The following BCAS3 variants were observed in gnomAD, a reference collection of about 807,000 sequenced individuals.
The protein encoded by BCAS3 is BCAS4/BCAS3 fusion.
A neutral mutation model predicts 116.1 loss-of-function variants in BCAS3; 53 were observed. The ratio of observed to expected loss-of-function variants is 0.46; its 90% CI spans 0.37 to 0.57. The LOEUF is 0.57. Ranked by LOEUF, BCAS3 falls within the 20% of genes least tolerant of loss-of-function variation. The probability of loss-of-function intolerance (pLI) is 0.00; values close to 1 mark genes in which losing one functional copy is unlikely to be tolerated. For missense variants in BCAS3, 917 were observed against 1,165.4 expected (o/e 0.79, Z 3.10); for synonymous variants, 391 against 408.2 (o/e 0.96, Z 0.51).
intron 22 of BCAS3, among the ~76,000 whole-genome samples, chr17:61,335,814 G>A (rs1450832867): frequency 1.3e-5 from 2 of 152,370 alleles, no homozygotes; most frequent in East Asian, 3.9e-4. Context: ...GCTTCTGGTT[G>A]TATTTTCTTC....
rs547596108 is a variant in BCAS3, at chr17:61,368,891, C to T, written c.2593+397C>T. 1.3e-5 allele frequency among the ~76,000 whole-genome samples: 2 copies of T among 152,188 alleles called. No homozygotes were observed. The highest frequency in any genetic ancestry group is 2.1e-4 in the South Asian group (1 of 4,830). On this transcript the variant is annotated intron_variant, in intron 23 of 23. Transcript: ENST00000407086. This position sits in a 1 kb window ranked among gnomAD's most constrained non-coding sequence, Gnocchi z 6.0. ...TCTCAGTAGGGCCTGCCAACCTGAG[C>T]GGAGTAAGCATGAAGCAGGCTGGGC...
At chr17:60,861,049 G>A (rs189388919) in intron 7 of BCAS3, among the ~76,000 whole-genome samples, 14 of 152,198 alleles carry the variant, frequency 9.2e-5, no homozygotes, top group Admixed American at 7.2e-4. Flanking sequence ...TAGTTTGATA[G>A]GAAGAGCATT....
chr17:61,238,565 C>G (rs887952529), intron 22 of BCAS3, among the ~76,000 whole-genome samples: 1 of 152,018 alleles, frequency 6.6e-6, no homozygotes, highest in African/African-American at 2.4e-5. Flanking sequence ...ATGAGATAAT[C>G]TGCCCTCATA....
At position 61,019,301 on chromosome 17, in the gene BCAS3, C is replaced by G. The variant is rs1283357907; in HGVS notation, c.1637+3400C>G. ...CACTCCTTATGAGAATCTAATGCCT[C>G]ATGATCTGAAGTGAAACTTCCATGA... On this transcript the variant is annotated intron_variant, in intron 16 of 23. Transcript: ENST00000407086. The surrounding 1 kb of genome is among the most constrained non-coding windows in gnomAD (Gnocchi z 5.6). 2.0e-5 allele frequency among the ~76,000 whole-genome samples: 3 copies of G among 152,192 alleles called. No homozygotes were observed. Among genetic ancestry groups the G allele is most frequent in the Non-Finnish European group, 4.4e-5 (3 of 68,028 alleles).
intron 5 of BCAS3, among the ~76,000 whole-genome samples, chr17:60,710,391 T>C (rs1469118411): frequency 1.3e-5 from 2 of 152,106 alleles, no homozygotes; most frequent in Non-Finnish European, 2.9e-5. Flanking sequence ...AGTCTAAGAA[T>C]TACTAAGGAA....
At chr17:60,973,605 A>ATATATATATATATATATATG (rs1568003311) in intron 14 of BCAS3, among the ~76,000 whole-genome samples, 1 of 148,928 alleles carries the variant, frequency 6.7e-6, no homozygotes, top group East Asian at 2.0e-4. Flanking sequence ...ATATATATAT[A>ATATATATATATATATATATG]TATGTATGAA....
At chr17:61,046,113 AG>A (rs2068321766) in intron 19 of BCAS3, among the ~76,000 whole-genome samples, 1 of 68,438 alleles carries the variant, frequency 1.5e-5, no homozygotes, top group African/African-American at 5.5e-5. Flanking sequence ...ATATATATAA[AG>A]TAAAATAAAA....
intron 22 of BCAS3, among the ~76,000 whole-genome samples, chr17:61,338,337 G>A (rs2056880098): frequency 6.6e-6 from 1 of 152,056 alleles, no homozygotes; most frequent in African/African-American, 2.4e-5. Flanking sequence ...AGCAAATTCA[G>A]CAGATTAAGG....
intron 16 of BCAS3, among the ~76,000 whole-genome samples, 184 bp downstream of exon 16, chr17:61,016,085 T>C (rs1358036393): frequency 1.3e-5 from 2 of 152,210 alleles, no homozygotes; most frequent in Non-Finnish European, 2.9e-5. Context: ...CACACAACCA[T>C]GTATACACAC....
chr17:61,038,668 GTTTTTTT>G (rs1244364326), intron 18 of BCAS3, among the ~76,000 whole-genome samples: 7 of 113,932 alleles, frequency 6.1e-5, no homozygotes, highest in Non-Finnish European at 1.1e-4. Context: ...TTTTGTTTTT[GTTTTTTT>G]TTTTTTTTTT....
At chr17:61,116,394 G>A (rs976784194) in intron 22 of BCAS3, among the ~76,000 whole-genome samples, 11 of 152,038 alleles carry the variant, frequency 7.2e-5, no homozygotes, top group Non-Finnish European at 1.0e-4. Context: ...CAATTTGAGT[G>A]TAGCCCTTCT....
intron 7 of BCAS3, among the ~76,000 whole-genome samples, chr17:60,821,232 C>T (rs2049938173): frequency 6.6e-6 from 1 of 152,188 alleles, no homozygotes; most frequent in Admixed American, 6.5e-5. Flanking sequence ...CAGGCATGCG[C>T]CACCTCACCT....
In BCAS3 at chr17:60,990,128, A is replaced by G. The variant is rs1210311774; in HGVS notation, c.1379A>G (p.Lys460Arg). Residue 460 changes from lysine (K) to arginine (R), a missense_variant, in exon 15 of 24, where the codon AAA becomes AGA. By Grantham distance (26) the Lys-to-Arg change is conservative. Coordinates refer to ENST00000407086, the MANE Select transcript of BCAS3 (RefSeq NM_017679.5). This position sits in a 1 kb window ranked among gnomAD's most constrained non-coding sequence, Gnocchi z 5.1. ...RVVNRMSRFQ[K>R]SAGLEEIEQE... ...GTGAATCGCATGAGCCGTTTCCAGAAAAGTGCTGGACTGGAAGAGATTGAA... is the reference window on the plus strand; with the variant it reads ...GTGAATCGCATGAGCCGTTTCCAGAGAAGTGCTGGACTGGAAGAGATTGAA... 1 of 1,614,082 alleles carries G rather than the reference A, an allele frequency of 6.2e-7. No homozygotes were observed.
At chr17:60,760,744 G>T (rs1372432663) in intron 6 of BCAS3, among the ~76,000 whole-genome samples, 1 of 151,984 alleles carries the variant, frequency 6.6e-6, no homozygotes, top group East Asian at 1.9e-4. Context: ...TGAAAGTCTA[G>T]GTCTTTCTCT....
At position 61,136,916 on chromosome 17, in the gene BCAS3, G is replaced by A. The variant is rs2076671628; in HGVS notation, c.2425+52352G>A. ...AACCAGCAGTAACCAGACCCTGGTGGGTGCTGAGAAAATGTTGAATTATTC... is the reference window on the plus strand; with the variant it reads ...AACCAGCAGTAACCAGACCCTGGTGAGTGCTGAGAAAATGTTGAATTATTC... On this transcript the variant is annotated intron_variant, in intron 22 of 23. Coordinates refer to ENST00000407086, the MANE Select transcript of BCAS3 (RefSeq NM_017679.5). The surrounding 1 kb of genome is among the most constrained non-coding windows in gnomAD (Gnocchi z 4.4). 6.6e-6 allele frequency among the ~76,000 whole-genome samples: 1 copy of A among 152,094 alleles called. No homozygotes were observed. Among genetic ancestry groups the A allele is most frequent in the South Asian group, 2.1e-4 (1 of 4,826 alleles).
chr17:61,086,660 G>T (rs1207015379), intron 22 of BCAS3: 2 of 985,070 alleles, frequency 2.0e-6, no homozygotes, highest in Non-Finnish European at 2.4e-6. Context: ...GAGTAGGAAA[G>T]AACTTCTTGG....
At chr17:60,871,919 T>A (rs1248999739) in intron 8 of BCAS3, among the ~76,000 whole-genome samples, 1 of 152,020 alleles carries the variant, frequency 6.6e-6, no homozygotes, top group Non-Finnish European at 1.5e-5. Context: ...TGATAATTTG[T>A]GTAGGATTGT....
chr17:61,127,828 C>A (rs1601449251), intron 22 of BCAS3, among the ~76,000 whole-genome samples: 1 of 150,546 alleles, frequency 6.6e-6, no homozygotes, highest in African/African-American at 2.4e-5. Context: ...AAGGGGGCTA[C>A]AAAGTTAGTT....
At chr17:61,040,707 C>A in intron 18 of BCAS3, 85 bp from the exon 19 acceptor site, 1 of 1,077,222 alleles carries the variant, frequency 9.3e-7, no homozygotes, top group South Asian at 1.3e-5. Flanking sequence ...GAGTTTAAGT[C>A]ACTGTTCATA....
Sources: gnomAD v4.1 joint callset for allele counts (sites outside exome capture counted in the v4.1 genomes callset) on GRCh38, gnomAD v4.1.1 for gene constraint, Gnocchi (gnomAD v3.1) non-coding constraint, MANE v1.5 for transcripts, NCBI Gene and HGNC (gene_info 2026-07-23, HGNC 2026-07-21) for gene names.